The following MEAK7 variants were observed in gnomAD, a reference collection of about 807,000 sequenced individuals.
The protein encoded by MEAK7 is MTOR associated protein MEAK7, also known as MTOR-associated protein MEAK7.
MEAK7 carries 68 observed loss-of-function variants against 40.5 expected under a neutral mutation model. The ratio of observed to expected loss-of-function variants is 1.68; its 90% confidence interval spans 1.38 to 2.06. The LOEUF (loss-of-function observed/expected upper bound fraction) is 2.06, where lower values mean the gene tolerates loss of function less well. Ranked by LOEUF, MEAK7 falls within the 30% of genes most tolerant of loss-of-function variation. The pLI, the probability that MEAK7 is intolerant of heterozygous loss-of-function variation, is 0.00. For missense variants in MEAK7, 918 were observed against 580.5 expected, an observed-to-expected ratio of 1.58 and a Z score of -5.98; for synonymous variants, 338 against 231.9, an observed-to-expected ratio of 1.46 and a Z score of -4.16.
intron 1 of MEAK7, among the ~76,000 whole-genome samples, chr16:84,500,328 G>A (rs1433482387): frequency 2.0e-5 from 3 of 152,128 alleles, no homozygotes; most frequent in Non-Finnish European, 4.4e-5. Flanking sequence ...CCTAGGAGTG[G>A]ACTTGCTGGG....
chr16:84,487,084 T>G (rs1238676596), intron 4 of MEAK7, 25 bp from the exon 5 acceptor site: 1 of 1,590,140 alleles, frequency 6.3e-7, no homozygotes, highest in African/African-American at 1.3e-5. Flanking sequence ...TGGTCAGCAT[T>G]AGTGGGGCTG....
In MEAK7 at chr16:84,486,853, G is replaced by A. The variant is rs35684738; in HGVS notation, c.736C>T (p.Leu246=). Residue 246 remains leucine (L), a synonymous_variant, in exon 5 of 8, where the codon CTG becomes TTG. Coordinates refer to ENST00000343629, the MANE Select transcript of MEAK7 (RefSeq NM_020947.4). ...ATGTACATGACAGAGAGGACATCCA[G>A]GATGCTCTCAAAACCCCTGCCCTGG... ...VDQGRGFESI[L]DVLSVMYINA... 7,428 of 1,614,144 alleles carry A rather than the reference G, an allele frequency of 4.6e-3. 256 individuals carry two copies. The African/African-American group carries it at 0.076, about 16-fold the overall frequency.
At chr16:84,488,920 G>C (rs1176227544) in intron 4 of MEAK7, among the ~76,000 whole-genome samples, 1 of 151,284 alleles carries the variant, frequency 6.6e-6, no homozygotes, top group Non-Finnish European at 1.5e-5. Context: ...ACAGAAGGAA[G>C]AAAATAAAAG....
intron 6 of MEAK7, among the ~76,000 whole-genome samples, chr16:84,481,673 C>T (rs1912558003): frequency 6.6e-6 from 1 of 152,150 alleles, no homozygotes; most frequent in Non-Finnish European, 1.5e-5. Flanking sequence ...GTGGCTCACG[C>T]CTGTAATCCC....
intron 1 of MEAK7, among the ~76,000 whole-genome samples, chr16:84,498,435 ATT>A (rs111992656): frequency 2.8e-5 from 4 of 144,728 alleles, no homozygotes; most frequent in Non-Finnish European, 1.5e-5. Context: ...TGCCTGGCTA[ATT>A]TTTTTTTTTT....
chr16:84,483,538 G>T (rs191498797), intron 5 of MEAK7, among the ~76,000 whole-genome samples: 7 of 152,356 alleles, frequency 4.6e-5, no homozygotes, highest in Admixed American at 1.3e-4. Flanking sequence ...AGGTGGGAAA[G>T]AAGTCACAGG....
intron 4 of MEAK7, chr16:84,487,600 G>T (rs984364264): frequency 5.8e-5 from 9 of 154,662 alleles, no homozygotes; most frequent in African/African-American, 1.9e-4. Context: ...CCAGTCAAGG[G>T]GCTGGTAGGG....
chr16:84,502,419 C>A (rs1011658368), intron 1 of MEAK7, among the ~76,000 whole-genome samples: 1 of 152,046 alleles, frequency 6.6e-6, no homozygotes, highest in Non-Finnish European at 1.5e-5. Context: ...GGTGAGAAAA[C>A]CTGGCTTCTG....
At chr16:84,487,142 G>GTTT in intron 4 of MEAK7, 83 bp from the exon 5 acceptor site, 6 of 1,391,704 alleles carry the variant, frequency 4.3e-6, no homozygotes, top group Non-Finnish European at 5.8e-6. Flanking sequence ...ATCAGTGTGG[G>GTTT]AGCCACGAGT....
intron 3 of MEAK7, chr16:84,494,644 G>A (rs560415551): frequency 1.8e-5 from 6 of 334,354 alleles, no homozygotes; most frequent in South Asian, 1.4e-4. Flanking sequence ...TCCCTTTTTT[G>A]TTTGTTGTTT....
intron 7 of MEAK7, 28 bp downstream of exon 7, chr16:84,480,501 C>G (rs201462003): frequency 1.3e-6 from 2 of 1,568,224 alleles, no homozygotes; most frequent in South Asian, 2.4e-5. Flanking sequence ...AGGGGCCATC[C>G]TGGGATGCAG....
intron 2 of MEAK7, chr16:84,497,409 A>C (rs62050764): frequency 0.021 from 27,126 of 1,278,370 alleles, 342 homozygotes; most frequent in Middle Eastern, 0.028. Context: ...CCTAGCCATC[A>C]AACACATACA....
chr16:84,497,992 G>A lies in MEAK7; in HGVS notation c.95C>T (p.Ser32Leu). The A allele has an allele frequency of 6.2e-7, 1 of 1,614,184 alleles. No homozygotes were observed. The highest frequency in any genetic ancestry group is 8.5e-7 in the Non-Finnish European group (1 of 1,180,038). Residue 32 changes from serine (S) to leucine (L), a missense_variant, in exon 2 of 8, where the codon TCA becomes TTA. Coordinates refer to ENST00000343629, the MANE Select transcript of MEAK7 (RefSeq NM_020947.4). The part of the protein sequence containing the change: ...AEIDQLFDAL[S>L]SDKNSPNVSS... ...GACATTCGGGCTGTTTTTATCTGAT[G>A]ACAGAGCATCAAACAATTGATCAAT...
At position 84,477,432 on chromosome 16, in the gene MEAK7, C is replaced by T. The variant is rs1268578735; in HGVS notation, c.*2481G>A. On this transcript the variant is annotated 3_prime_UTR_variant, in exon 8 of 8. Coordinates refer to ENST00000343629, the MANE Select transcript of MEAK7 (RefSeq NM_020947.4). ...TCTCGAACTTCCGACCTCAGGTGAT[C>T]CGCCTACCTCGGCCTCCCAAAGTGC... 6.6e-6 allele frequency: 1 copy of T among 152,148 alleles called. No homozygotes were observed. Among genetic ancestry groups the T allele is most frequent in the Non-Finnish European group, 1.5e-5 (1 of 68,044 alleles). The allele number at this position is 152,148 out of a possible 1,614,324, so 9.4% of individuals were successfully genotyped here.
intron 3 of MEAK7, chr16:84,494,828 G>C (rs772158023): frequency 4.0e-4 from 181 of 455,420 alleles, no homozygotes; most frequent in African/African-American, 3.5e-3. Flanking sequence ...TTCTCCAAAA[G>C]ATTTCTGAAA....
rs757962876 is a variant in MEAK7 at position 84,498,086 on chromosome 16, T to TA, written c.-1_1insT. Reference sequence around the variant, plus strand: ...CCCACACGGCTTCTGCTGTTCCCCATCTGTCCTGATATCTGGCAGAATTCT... The same window carrying TA: ...CCCACACGGCTTCTGCTGTTCCCCATACTGTCCTGATATCTGGCAGAATTCT... On this transcript the variant is annotated 5_prime_UTR_variant, in exon 2 of 8. Transcript: ENST00000343629. 1 of 1,605,690 alleles carries TA rather than the reference T, an allele frequency of 6.2e-7. No homozygotes were observed.
At chr16:84,497,469 G>C in intron 2 of MEAK7, 1 of 1,289,920 alleles carries the variant, frequency 7.8e-7, no homozygotes, top group Non-Finnish European at 1.0e-6. Flanking sequence ...CTGGACCGAC[G>C]AGTCCAGGAG....
chr16:84,498,750 C>T (rs1323431376), intron 1 of MEAK7, among the ~76,000 whole-genome samples: 1 of 152,126 alleles, frequency 6.6e-6, no homozygotes, highest in Admixed American at 6.6e-5. Context: ...GTATTTTAAT[C>T]AATCTAAATA....
At chr16:84,483,641 C>A (rs1333542392) in intron 5 of MEAK7, among the ~76,000 whole-genome samples, 2 of 152,208 alleles carry the variant, frequency 1.3e-5, no homozygotes, top group East Asian at 1.9e-4. Context: ...AGCAAGCCAA[C>A]AGGGCTCAGT....
Sources: gnomAD v4.1 joint callset for allele counts (sites outside exome capture counted in the v4.1 genomes callset) on GRCh38, gnomAD v4.1.1 for gene constraint, MANE v1.5 for transcripts, NCBI Gene and HGNC (gene_info 2026-07-23, HGNC 2026-07-21) for gene names.